Variants in GRID2 observed in about 807,000 individuals in gnomAD.
GRID2 encodes the protein glutamate receptor ionotropic, delta-2.
In GRID2, 33 loss-of-function variants were observed where a neutral mutation model predicts 114.8. That is an observed-to-expected ratio of 0.29 (90% CI 0.22 to 0.38). The LOEUF (loss-of-function observed/expected upper bound fraction) is 0.38, where lower values mean the gene tolerates loss of function less well. Among genes scored for constraint, GRID2 ranks in the 10% least tolerant of loss-of-function variants. The pLI is 1.00. For missense variants in GRID2, 1,184 were observed against 1,257.7 expected, an observed-to-expected ratio of 0.94 and a Z score of 0.89; for synonymous variants, 505 against 449.9, an observed-to-expected ratio of 1.12 and a Z score of -1.55.
At chr4:92,747,476 C>T (rs746007252) in intron 2 of GRID2, among the ~76,000 whole-genome samples, 20 of 152,172 alleles carry the variant, frequency 1.3e-4, no homozygotes, top group Middle Eastern at 6.8e-3. Flanking sequence ...GACTCTCCTA[C>T]GCTCAAGGCA....
chr4:93,600,844 T>C (rs931136502), intron 13 of GRID2, among the ~76,000 whole-genome samples: 1 of 152,162 alleles, frequency 6.6e-6, no homozygotes, highest in African/African-American at 2.4e-5. Context: ...GAAATAATAA[T>C]GAGCTACTGA....
In GRID2 at chr4:93,012,459, A is replaced by C. The variant is rs1722275708; in HGVS notation, c.245-72536A>C. ...TCTATGAAAACACCTGTACAACAGA[A>C]TTAGTCTACTGAGGCCTAGGGCAAC... On this transcript the variant is annotated intron_variant, in intron 2 of 15. Coordinates refer to ENST00000282020, the MANE Select transcript of GRID2 (RefSeq NM_001510.4). 2.0e-5 allele frequency among the ~76,000 whole-genome samples: 3 copies of C among 152,174 alleles called. No homozygotes were observed. The South Asian group carries it at 6.2e-4, about 32-fold the overall frequency.
At position 92,995,149 on chromosome 4, in the gene GRID2, G is replaced by A. The variant is rs116854024; in HGVS notation, c.245-89846G>A. 2.9e-4 allele frequency among the ~76,000 whole-genome samples: 44 copies of A among 152,254 alleles called. No homozygotes were observed. In the East Asian group the frequency reaches 6.8e-3, roughly 23 times the overall value. ...TCTAGAGACCTCCCTCCTCTAGTGGGCAGAGACATTTCTTCCTTCTCAGTG... is the reference window on the plus strand; with the variant it reads ...TCTAGAGACCTCCCTCCTCTAGTGGACAGAGACATTTCTTCCTTCTCAGTG... On this transcript the variant is annotated intron_variant, in intron 2 of 15. Coordinates refer to ENST00000282020, the MANE Select transcript of GRID2 (RefSeq NM_001510.4).
intron 4 of GRID2, among the ~76,000 whole-genome samples, chr4:93,115,364 C>G (rs941755620): frequency 7.5e-6 from 1 of 133,702 alleles, no homozygotes; most frequent in African/African-American, 2.7e-5. Flanking sequence ...TTTCATGAGG[C>G]AAATAGTGTT....
At chr4:92,961,766 T>A (rs534607879) in intron 2 of GRID2, among the ~76,000 whole-genome samples, 25 of 151,960 alleles carry the variant, frequency 1.6e-4, no homozygotes, top group Admixed American at 3.9e-4. Flanking sequence ...CTTCTCTTTT[T>A]TTTTAATTCT....
At chr4:93,743,472 T>C (rs572776722) in intron 14 of GRID2, among the ~76,000 whole-genome samples, 1 of 152,290 alleles carries the variant, frequency 6.6e-6, no homozygotes, top group East Asian at 1.9e-4. Flanking sequence ...TGAGACTGAG[T>C]AATTTATAAA....
chr4:92,333,375 C>G (rs893661565), intron 1 of GRID2, among the ~76,000 whole-genome samples: 1 of 152,168 alleles, frequency 6.6e-6, no homozygotes, highest in African/African-American at 2.4e-5. Context: ...CCCACAGGTG[C>G]CTTTCTGGAA....
intron 2 of GRID2, among the ~76,000 whole-genome samples, chr4:92,632,067 A>G (rs1056751404): frequency 6.6e-6 from 1 of 152,108 alleles, no homozygotes; most frequent in Non-Finnish European, 1.5e-5. Context: ...TATTTCATTG[A>G]TGTTCAGAAT....
At chr4:92,685,472 G>A (rs1733853745) in intron 2 of GRID2, among the ~76,000 whole-genome samples, 1 of 152,024 alleles carries the variant, frequency 6.6e-6, no homozygotes. Flanking sequence ...CAGGAAAAAG[G>A]GAAGTGGCAT....
At chr4:93,689,016 C>CCCTTT (rs1317060216) in intron 14 of GRID2, among the ~76,000 whole-genome samples, 2 of 151,826 alleles carry the variant, frequency 1.3e-5, no homozygotes, top group Non-Finnish European at 2.9e-5. Context: ...AAAGTGAGGT[C>CCCTTT]CATAGGATGA....
At chr4:93,706,607 G>T (rs1466205398) in intron 14 of GRID2, among the ~76,000 whole-genome samples, 2 of 152,234 alleles carry the variant, frequency 1.3e-5, no homozygotes, top group African/African-American at 2.4e-5. Context: ...ACCTCTAATA[G>T]TTTTTTGTGG....
intron 8 of GRID2, among the ~76,000 whole-genome samples, chr4:93,268,543 C>T (rs1751103766): frequency 6.6e-6 from 1 of 152,144 alleles, no homozygotes; most frequent in Admixed American, 6.6e-5. Context: ...TATAGGACTA[C>T]ATCATTAGGT....
intron 2 of GRID2, among the ~76,000 whole-genome samples, chr4:93,036,728 TC>T (rs1157186802): frequency 6.6e-6 from 1 of 152,150 alleles, no homozygotes; most frequent in Non-Finnish European, 1.5e-5. Flanking sequence ...TTTTCAGTGT[TC>T]CCATACTATC....
chr4:93,406,366 G>A (rs1218766689), intron 9 of GRID2, among the ~76,000 whole-genome samples: 1 of 152,182 alleles, frequency 6.6e-6, no homozygotes, highest in Non-Finnish European at 1.5e-5. Flanking sequence ...GAACTTGTCA[G>A]CCTCACTGAG....
At chr4:93,645,208 C>T (rs1722000873) in intron 14 of GRID2, among the ~76,000 whole-genome samples, 1 of 152,084 alleles carries the variant, frequency 6.6e-6, no homozygotes, top group African/African-American at 2.4e-5. Context: ...AAGAGGGGAG[C>T]AAAATCATTT....
intron 2 of GRID2, among the ~76,000 whole-genome samples, chr4:93,022,329 T>G (rs569205729): frequency 3.9e-4 from 59 of 152,008 alleles, no homozygotes; most frequent in Non-Finnish European, 7.5e-4. Context: ...AATGCTATTT[T>G]AAAACTTTCT....
chr4:92,672,031 G>A (rs1733099568), intron 2 of GRID2, among the ~76,000 whole-genome samples: 1 of 152,064 alleles, frequency 6.6e-6, no homozygotes, highest in Admixed American at 6.6e-5. Flanking sequence ...TTGAAATACA[G>A]TGAGATTTTT....
chr4:92,414,723 T>A (rs1421832251), intron 1 of GRID2, among the ~76,000 whole-genome samples: 1 of 152,132 alleles, frequency 6.6e-6, no homozygotes, highest in South Asian at 2.1e-4. Context: ...TAGAATAACA[T>A]GTGGATGCTG....
intron 12 of GRID2, among the ~76,000 whole-genome samples, chr4:93,496,821 A>T (rs1212065464): frequency 2.0e-5 from 3 of 151,884 alleles, no homozygotes. Flanking sequence ...GCTATTACAT[A>T]TAAAGCTTCT....
Sources: allele counts gnomAD v4.1 joint callset (sites outside exome capture counted in the v4.1 genomes callset), GRCh38; gene constraint gnomAD v4.1.1; transcripts MANE v1.5; gene names NCBI Gene and HGNC (gene_info 2026-07-23, HGNC 2026-07-21).